USP12: variants seen among roughly 807,000 people sequenced by gnomAD.
USP12 encodes the protein ubiquitin carboxyl-terminal hydrolase 12.
Under a neutral mutation model 45.5 loss-of-function variants are expected in USP12, and 19 were observed. That is an observed-to-expected ratio of 0.42 (90% CI 0.29 to 0.61). The LOEUF is 0.61. USP12 is among the 20% of genes least tolerant of loss of function. USP12 has a pLI of 0.22. For synonymous variants in USP12, 149 were observed against 148.8 expected (o/e 1.00, Z -0.01); for missense variants, 242 against 447.7 (o/e 0.54, Z 4.15).
chr13:27,148,369 T>C (rs1048065669), intron 1 of USP12, among the ~76,000 whole-genome samples: 2 of 101,656 alleles, frequency 2.0e-5, no homozygotes, highest in Admixed American at 2.6e-4. Context: ...AAAGCAACTG[T>C]ATAAAACTAT....
chr13:27,155,895 T>G (rs889129654), intron 1 of USP12, among the ~76,000 whole-genome samples: 1 of 152,116 alleles, frequency 6.6e-6, no homozygotes, highest in Admixed American at 6.5e-5. Flanking sequence ...ATTCTGAAAA[T>G]GTAAAAAGTT....
At chr13:27,078,929 A>T (rs1209376679) in intron 6 of USP12, among the ~76,000 whole-genome samples, 1 of 152,068 alleles carries the variant, frequency 6.6e-6, no homozygotes, top group Non-Finnish European at 1.5e-5. Context: ...AACATTCACT[A>T]ATGTACTGGA....
chr13:27,120,564 G>A (rs1006496106), intron 1 of USP12, among the ~76,000 whole-genome samples: 6 of 151,042 alleles, frequency 4.0e-5, no homozygotes, highest in African/African-American at 1.5e-4. Flanking sequence ...TGAGGCTGCA[G>A]TGAGTCAAGA....
intron 1 of USP12, among the ~76,000 whole-genome samples, chr13:27,120,033 T>C (rs1444996618): frequency 1.3e-5 from 2 of 152,244 alleles, no homozygotes; most frequent in Non-Finnish European, 2.9e-5. Flanking sequence ...TTCTGCTAAG[T>C]TGTTTTTAAA....
intron 3 of USP12, among the ~76,000 whole-genome samples, chr13:27,101,551 C>T (rs1171163630): frequency 2.0e-5 from 3 of 152,142 alleles, no homozygotes; most frequent in South Asian, 2.1e-4. Flanking sequence ...GGGTTCCCTC[C>T]GTCATGGAAC....
chr13:27,145,278 G>A (rs1192615887), intron 1 of USP12, among the ~76,000 whole-genome samples: 2 of 152,160 alleles, frequency 1.3e-5, no homozygotes. Context: ...ATATGGCAAT[G>A]GTAGCTCCTA....
intron 1 of USP12, 130 bp from the exon 2 acceptor site, chr13:27,116,726 T>C (rs1199890752): frequency 5.9e-6 from 4 of 680,700 alleles, no homozygotes; most frequent in African/African-American, 1.8e-5. Context: ...CACAGGTGCG[T>C]CTTTATCCTT....
chr13:27,077,154 T>C (rs1300603436), intron 6 of USP12: 1 of 152,112 alleles, frequency 6.6e-6, no homozygotes, highest in Non-Finnish European at 1.5e-5. Context: ...CTAGGTGACA[T>C]AAGAAAATAC....
At chr13:27,070,357 G>T (rs959431319) in intron 8 of USP12, among the ~76,000 whole-genome samples, 3 of 152,172 alleles carry the variant, frequency 2.0e-5, no homozygotes, top group Admixed American at 6.5e-5. Context: ...CTGCGGTGTT[G>T]AAAATGAATT....
chr13:27,086,185 AAAAAAAAAAAAAATAT>A (rs1479616141), intron 6 of USP12, among the ~76,000 whole-genome samples: 1 of 58,852 alleles, frequency 1.7e-5, no homozygotes, highest in Non-Finnish European at 3.8e-5. Context: ...AAAAAAAAAA[AAAAAAAAAAAAAATAT>A]ATATATATAT....
intron 6 of USP12, chr13:27,089,547 G>A (rs1249577210): frequency 2.1e-5 from 4 of 189,220 alleles, no homozygotes; most frequent in African/African-American, 9.4e-5. Flanking sequence ...GTGGGGGATG[G>A]GCAATGGGGA....
At chr13:27,169,936 T>G (rs901255206) in intron 1 of USP12, among the ~76,000 whole-genome samples, 1 of 152,220 alleles carries the variant, frequency 6.6e-6, no homozygotes, top group Non-Finnish European at 1.5e-5. Context: ...ACACCACTCC[T>G]GAAATCTAGT....
intron 7 of USP12, among the ~76,000 whole-genome samples, chr13:27,074,342 C>G (rs1593169906): frequency 6.6e-6 from 1 of 151,778 alleles, no homozygotes; most frequent in South Asian, 2.1e-4. Context: ...GGAGCTTGCA[C>G]TGAGCCGAGA....
intron 2 of USP12, among the ~76,000 whole-genome samples, chr13:27,108,880 G>T (rs947559969): frequency 1.3e-5 from 2 of 152,152 alleles, no homozygotes; most frequent in African/African-American, 4.8e-5. Context: ...GGCAGAGGTT[G>T]CAGTGAGCCA....
intron 1 of USP12, among the ~76,000 whole-genome samples, chr13:27,125,503 T>C (rs965657409): frequency 5.9e-5 from 9 of 152,106 alleles, no homozygotes; most frequent in African/African-American, 2.2e-4. Context: ...GATGGCCGAA[T>C]AGGAACAGCT....
rs557019600 is a variant in USP12, at chr13:27,162,029, T to A, written c.48+9563A>T. 1.1e-4 allele frequency among the ~76,000 whole-genome samples: 16 copies of A among 152,364 alleles called. 1 individual carries two copies. In the South Asian group the frequency reaches 3.3e-3, roughly 32 times the overall value. On this transcript the variant is annotated intron_variant, in intron 1 of 8. Transcript: ENST00000282344. ...CAAACTTTGAAATGACTACGCTTTG[T>A]CAAAGGTAACTTGTGAGCTCCGTTA...
At chr13:27,082,897 G>A (rs770089046) in intron 6 of USP12, among the ~76,000 whole-genome samples, 5 of 152,216 alleles carry the variant, frequency 3.3e-5, no homozygotes, top group Non-Finnish European at 2.9e-5. Flanking sequence ...GTGCAATGGC[G>A]TGATCTCGGC....
intron 1 of USP12, among the ~76,000 whole-genome samples, chr13:27,123,352 G>C (rs1876087973): frequency 6.6e-6 from 1 of 152,098 alleles, no homozygotes; most frequent in Non-Finnish European, 1.5e-5. Context: ...GAATTTATCA[G>C]CTCTTCCAAT....
At chr13:27,149,983 CTAACAGGCCACAGAT>C (rs1278880694) in intron 1 of USP12, among the ~76,000 whole-genome samples, 1 of 152,234 alleles carries the variant, frequency 6.6e-6, no homozygotes, top group African/African-American at 2.4e-5. Context: ...AGCCCGGTTC[CTAACAGGCCACAGAT>C]CAGGGGTTGG....
Sources: gnomAD v4.1 joint callset for allele counts (sites outside exome capture counted in the v4.1 genomes callset) on GRCh38, gnomAD v4.1.1 for gene constraint, MANE v1.5 for transcripts, NCBI Gene and HGNC (gene_info 2026-07-23, HGNC 2026-07-21) for gene names.